Variants in GRIA1 observed in about 807,000 individuals in gnomAD.
The protein encoded by GRIA1 is glutamate ionotropic receptor AMPA type subunit 1.
GRIA1 carries 31 observed loss-of-function variants against 99.2 expected under a neutral mutation model. That is an observed-to-expected ratio of 0.31 (90% CI 0.23 to 0.42). The LOEUF (loss-of-function observed/expected upper bound fraction) is 0.42. Among genes scored for constraint, GRIA1 ranks in the 10% least tolerant of loss-of-function variants. The probability of loss-of-function intolerance (pLI) is 1.00; values close to 1 mark genes in which losing one functional copy is unlikely to be tolerated. For missense variants in GRIA1, 782 were observed against 1,157.5 expected, an observed-to-expected ratio of 0.68 and a Z score of 4.71; for synonymous variants, 438 against 432.4, an observed-to-expected ratio of 1.01 and a Z score of -0.16.
At chr5:153,552,233 T>C (rs535980796) in intron 2 of GRIA1, among the ~76,000 whole-genome samples, 1 of 136,520 alleles carries the variant, frequency 7.3e-6, no homozygotes, top group South Asian at 2.4e-4. Flanking sequence ...AATTTGGATT[T>C]TCAGCAAAAA....
chr5:153,788,458 GA>G (rs1345426855), intron 13 of GRIA1, among the ~76,000 whole-genome samples: 2 of 152,080 alleles, frequency 1.3e-5, no homozygotes, highest in Admixed American at 1.3e-4. Context: ...TCCAATCTCA[GA>G]ATAAAATGCT....
chr5:153,701,619 C>CAAAAAAAAAAAAAAAAAGAAAAAAAAA (rs1758527562), intron 10 of GRIA1, among the ~76,000 whole-genome samples: 1 of 39,426 alleles, frequency 2.5e-5, no homozygotes, highest in Admixed American at 4.2e-4. Flanking sequence ...AGACCCGTCT[C>CAAAAAAAAAAAAAAAAAGAAAAAAAAA]AAAAAAAAAA....
intron 11 of GRIA1, among the ~76,000 whole-genome samples, chr5:153,721,474 T>C (rs936278721): frequency 6.6e-6 from 1 of 152,184 alleles, no homozygotes; most frequent in African/African-American, 2.4e-5. Context: ...AATTAAGAAA[T>C]AGATGATATC....
intron 2 of GRIA1, among the ~76,000 whole-genome samples, chr5:153,557,037 T>C (rs1362283074): frequency 1.3e-5 from 2 of 152,140 alleles, no homozygotes; most frequent in African/African-American, 4.8e-5. Context: ...TCTAAATATA[T>C]CTAAACATAG....
intron 2 of GRIA1, among the ~76,000 whole-genome samples, chr5:153,640,688 T>C (rs1408319985): frequency 4.6e-5 from 7 of 152,240 alleles, no homozygotes. Flanking sequence ...AAATCACCCT[T>C]TATTTTCCTT....
intron 13 of GRIA1, among the ~76,000 whole-genome samples, chr5:153,789,251 T>C (rs904069118): frequency 6.6e-6 from 1 of 151,972 alleles, no homozygotes; most frequent in Non-Finnish European, 1.5e-5. Context: ...CCAAAGGAGA[T>C]GGAACAAGTT....
intron 13 of GRIA1, among the ~76,000 whole-genome samples, chr5:153,775,103 T>C (rs1280353221): frequency 6.6e-6 from 1 of 152,170 alleles, no homozygotes; most frequent in Non-Finnish European, 1.5e-5. Flanking sequence ...ATCCACTAAT[T>C]ATGATCTATT....
At chr5:153,627,577 ATGG>A (rs1561704954) in intron 2 of GRIA1, among the ~76,000 whole-genome samples, 2 of 152,054 alleles carry the variant, frequency 1.3e-5, no homozygotes, top group Non-Finnish European at 2.9e-5. Flanking sequence ...GAGTAAAAGA[ATGG>A]GGCAAGCGAT....
chr5:153,699,721 G>A (rs1212673648), intron 10 of GRIA1, among the ~76,000 whole-genome samples: 6 of 151,950 alleles, frequency 3.9e-5, no homozygotes, highest in Middle Eastern at 3.4e-3. Context: ...CTTATATAAC[G>A]GTTACCTGTG....
At position 153,777,044 on chromosome 5, in the gene GRIA1, C is replaced by T. The variant is rs114062034; in HGVS notation, c.2270+6629C>T. Among the ~76,000 whole-genome samples, 918 of 152,278 alleles carry T rather than the reference C, an allele frequency of 6.0e-3. 10 individuals are homozygous for T. The highest frequency in any genetic ancestry group is 0.021 in the African/African-American group (877 of 41,548). The stretch of plus-strand genomic sequence containing the variant: ...TTTTTGTGTGGCATTAAGTCGATTG[C>T]TCTAAAGAGCCCTTCCCAACTTCGG... On this transcript the variant is annotated intron_variant, in intron 13 of 15. Transcript: ENST00000285900.
At chr5:153,577,866 A>G (rs1309543675) in intron 2 of GRIA1, among the ~76,000 whole-genome samples, 3 of 152,058 alleles carry the variant, frequency 2.0e-5, no homozygotes, top group Non-Finnish European at 4.4e-5. Context: ...TAAGATAAAG[A>G]TTCCCCAGGC....
chr5:153,808,585 G>A (rs1766598359), intron 15 of GRIA1, among the ~76,000 whole-genome samples: 1 of 152,160 alleles, frequency 6.6e-6, no homozygotes, highest in South Asian at 2.1e-4. Flanking sequence ...AACTCCAGAT[G>A]TCAAGGCCAT....
intron 15 of GRIA1, among the ~76,000 whole-genome samples, chr5:153,807,117 G>A (rs1033354330): frequency 6.6e-6 from 1 of 152,170 alleles, no homozygotes; most frequent in Non-Finnish European, 1.5e-5. Context: ...ACTGACTATA[G>A]TATTTAAACC....
chr5:153,619,441 A>G (rs931866231), intron 2 of GRIA1, among the ~76,000 whole-genome samples: 2 of 152,168 alleles, frequency 1.3e-5, no homozygotes, highest in Non-Finnish European at 2.9e-5. Context: ...CCTCTTCTGT[A>G]AGGGAACTTC....
chr5:153,719,027 T>A (rs1272971580), intron 11 of GRIA1, among the ~76,000 whole-genome samples: 1 of 152,194 alleles, frequency 6.6e-6, no homozygotes, highest in East Asian at 1.9e-4. Flanking sequence ...AACCAGACTG[T>A]CCACAAGTCC....
intron 12 of GRIA1, among the ~76,000 whole-genome samples, chr5:153,765,668 T>G (rs1193781854): frequency 6.6e-6 from 1 of 152,032 alleles, no homozygotes; most frequent in East Asian, 1.9e-4. Context: ...TAGGGATGTT[T>G]ATCCCAGGAG....
At chr5:153,566,187 T>C (rs1761593724) in intron 2 of GRIA1, among the ~76,000 whole-genome samples, 2 of 152,068 alleles carry the variant, frequency 1.3e-5, no homozygotes, top group Admixed American at 1.3e-4. Flanking sequence ...TGAAGTGGTA[T>C]CTCATTGTGG....
rs1399227161 is a variant in GRIA1 at position 153,811,590 on chromosome 5, T to TTA, written c.*365_*366insTA. The TTA allele has an allele frequency of 5.4e-6, 1 of 185,542 alleles. No homozygotes were observed. The highest frequency in any genetic ancestry group is 2.4e-5 in the African/African-American group (1 of 42,476). 11.5% of individuals were successfully genotyped at this position (185,542 alleles called of 1,614,324 possible). A position where few individuals can be genotyped will look rare whatever the true frequency, so the allele number is the denominator to read the frequency against. On this transcript the variant is annotated 3_prime_UTR_variant, in exon 16 of 16. Transcript: ENST00000285900. ...ATTCAGTTGTTAGTGTGTCTTAGTG[T>TTA]GTGCAATTTTTTTTCTTACTAATAT... is the stretch of plus-strand genomic sequence containing the variant.
intron 2 of GRIA1, among the ~76,000 whole-genome samples, chr5:153,593,153 GC>G (rs1483520121): frequency 6.6e-6 from 1 of 152,196 alleles, no homozygotes; most frequent in Admixed American, 6.5e-5. Flanking sequence ...CGTAGTCGCA[GC>G]CACTCGGGAG....
Sources: gnomAD v4.1 joint callset for allele counts (sites outside exome capture counted in the v4.1 genomes callset) on GRCh38, gnomAD v4.1.1 for gene constraint, MANE v1.5 for transcripts, NCBI Gene and HGNC (gene_info 2026-07-23, HGNC 2026-07-21) for gene names.